The following PJA2 variants were observed in gnomAD, a reference collection of about 807,000 sequenced individuals.
The protein encoded by PJA2 is E3 ubiquitin-protein ligase Praja-2.
Under a neutral mutation model 69.3 loss-of-function variants are expected in PJA2, and 25 were observed. The observed-to-expected ratio is 0.36, with a 90% confidence interval of 0.26 to 0.50. The LOEUF (loss-of-function observed/expected upper bound fraction) is 0.50. Ranked by LOEUF, PJA2 falls within the 20% of genes least tolerant of loss-of-function variation. The pLI, the probability that PJA2 is intolerant of heterozygous loss-of-function variation, is 0.96. For synonymous variants in PJA2, 308 were observed against 277.8 expected (o/e 1.11, Z -1.08); for missense variants, 809 against 830.2 (o/e 0.97, Z 0.31).
chr5:109,396,762 GAAA>G (rs57999992), intron 1 of PJA2, among the ~76,000 whole-genome samples: 1 of 87,854 alleles, frequency 1.1e-5, no homozygotes, highest in East Asian at 4.5e-4. Context: ...ACCAAAAAAA[GAAA>G]AAAAAAAAAA....
At chr5:109,377,373 C>T (rs76793023) in intron 4 of PJA2, among the ~76,000 whole-genome samples, 2 of 152,152 alleles carry the variant, frequency 1.3e-5, no homozygotes, top group East Asian at 1.9e-4. Flanking sequence ...CTTACAAGGA[C>T]TCATGAAAAT....
chr5:109,400,891 G>A (rs1401521492), intron 1 of PJA2, among the ~76,000 whole-genome samples: 1 of 152,178 alleles, frequency 6.6e-6, no homozygotes, highest in Admixed American at 6.5e-5. Context: ...GCTGAGGCAG[G>A]AGACTGGCAT....
chr5:109,405,314 C>G (rs996481307), intron 1 of PJA2, among the ~76,000 whole-genome samples: 67 of 152,202 alleles, frequency 4.4e-4, no homozygotes, highest in Admixed American at 2.0e-4. Context: ...AACCTGTATT[C>G]ATGAATTGGA....
intron 4 of PJA2, among the ~76,000 whole-genome samples, chr5:109,373,840 GA>G (rs1365129032): frequency 6.6e-6 from 1 of 152,108 alleles, no homozygotes; most frequent in Non-Finnish European, 1.5e-5. Flanking sequence ...TATACAGAAT[GA>G]AATTATAGAC....
At chr5:109,376,087 G>A (rs147667561) in intron 4 of PJA2, among the ~76,000 whole-genome samples, 737 of 151,952 alleles carry the variant, frequency 4.9e-3, no homozygotes, top group African/African-American at 0.017. Flanking sequence ...AAAACAAAAC[G>A]AAACAAGAAA....
chr5:109,395,783 G>A (rs1582627405), intron 1 of PJA2, among the ~76,000 whole-genome samples: 1 of 152,222 alleles, frequency 6.6e-6, no homozygotes, highest in East Asian at 1.9e-4. Context: ...CAGATCACAT[G>A]AGGTCAGGAG....
intron 9 of PJA2, among the ~76,000 whole-genome samples, chr5:109,339,728 T>C (rs183179379): frequency 2.6e-5 from 4 of 152,360 alleles, no homozygotes; most frequent in South Asian, 2.1e-4. Context: ...CTTTCATTAG[T>C]AATAAGTTTA....
chr5:109,353,459 ATACC>A (rs1762313611), intron 7 of PJA2, among the ~76,000 whole-genome samples: 1 of 121,926 alleles, frequency 8.2e-6, no homozygotes, highest in Non-Finnish European at 1.8e-5. Context: ...TATATATTAG[ATACC>A]TATATCTATA....
At chr5:109,377,937 A>G (rs1186066395) in intron 4 of PJA2, among the ~76,000 whole-genome samples, 3 of 152,224 alleles carry the variant, frequency 2.0e-5, no homozygotes, top group African/African-American at 7.2e-5. Context: ...TTGAAATACC[A>G]TGAACTAGCA....
intron 6 of PJA2, among the ~76,000 whole-genome samples, chr5:109,360,261 G>C (rs769795375): frequency 1.3e-5 from 2 of 152,142 alleles, no homozygotes; most frequent in Non-Finnish European, 2.9e-5. Flanking sequence ...TGGTAGAGTT[G>C]GGATTTGTCT....
intron 3 of PJA2, among the ~76,000 whole-genome samples, chr5:109,379,821 GTTTAC>G (rs2127006993): frequency 6.6e-6 from 1 of 152,190 alleles, no homozygotes; most frequent in East Asian, 1.9e-4. Flanking sequence ...TTTGTAATAA[GTTTAC>G]TTTAGATGTG....
chr5:109,350,949 T>A (rs1373578819), intron 7 of PJA2, among the ~76,000 whole-genome samples: 1 of 152,166 alleles, frequency 6.6e-6, no homozygotes, highest in Non-Finnish European at 1.5e-5. Context: ...CTGCAGTATA[T>A]CATGCTGGTT....
In PJA2 at chr5:109,337,264, T is replaced by G. The variant is rs986090711; in HGVS notation, c.2094A>C (p.Pro698=). 7 of 1,613,544 alleles carry G rather than the reference T, an allele frequency of 4.3e-6. No individual in the cohort carries two copies. In the African/African-American group the frequency reaches 6.7e-5, roughly 15 times the overall value. ...CTTCTGCAATACTGTCATTTGAAGGTGGGGCATCAGGATCAGGCTCAGAGG... is the reference window on the plus strand; with the variant it reads ...CTTCTGCAATACTGTCATTTGAAGGGGGGGCATCAGGATCAGGCTCAGAGG... ...APSSEPDPDA[P]PSNDSIAEAP The change falls in exon 10 of 10, where the codon CCA becomes CCC. Residue 698 remains proline (P), a synonymous_variant. Coordinates refer to ENST00000361189, the MANE Select transcript of PJA2 (RefSeq NM_014819.5).
At chr5:109,375,531 A>T (rs918686125) in intron 4 of PJA2, among the ~76,000 whole-genome samples, 17 of 152,298 alleles carry the variant, frequency 1.1e-4, no homozygotes, top group Middle Eastern at 3.4e-3. Flanking sequence ...AAAAAATAAA[A>T]AAATAAAAAT....
At chr5:109,376,841 G>T (rs955530485) in intron 4 of PJA2, among the ~76,000 whole-genome samples, 1 of 151,916 alleles carries the variant, frequency 6.6e-6, no homozygotes, top group African/African-American at 2.4e-5. Context: ...ACATGGTCCA[G>T]GCCACACACA....
Position 109,378,468 on chromosome 5 carries a change from T to C in PJA2, c.1019A>G (p.Gln340Arg). The change falls in exon 4 of 10, where the codon CAA (glutamine) becomes CGA (arginine). Residue 340 changes from glutamine (Q) to arginine (R), a missense_variant. Gln to Arg is a conservative substitution (Grantham distance 43). This residue lies in a region of PJA2 where 700 missense variants were observed against 639.5 expected (regional missense o/e 1.09). Transcript: ENST00000361189. ...CTCTCTCCATCTTTGAACACTTCTTTGTTTCGCCTCATGCCTATTAAAACC... is the reference window on the plus strand; with the variant it reads ...CTCTCTCCATCTTTGAACACTTCTTCGTTTCGCCTCATGCCTATTAAAACC... ...ETGFNRHEAKQRSVQRWREAL... is the reference protein window; with the variant it reads ...ETGFNRHEAKRRSVQRWREAL... 3 of 1,614,150 alleles carry C rather than the reference T, an allele frequency of 1.9e-6. No individual in the cohort carries two copies. Among genetic ancestry groups the C allele is most frequent in the Non-Finnish European group, 2.5e-6 (3 of 1,179,978 alleles).
At chr5:109,403,551 T>C (rs1224390902) in intron 1 of PJA2, among the ~76,000 whole-genome samples, 8 of 147,716 alleles carry the variant, frequency 5.4e-5, no homozygotes, top group Admixed American at 2.0e-4. Flanking sequence ...TTCATGAACA[T>C]AGATGCAAAA....
At chr5:109,357,768 C>A (rs1359125538) in intron 6 of PJA2, among the ~76,000 whole-genome samples, 2 of 152,220 alleles carry the variant, frequency 1.3e-5, no homozygotes, top group African/African-American at 2.4e-5. Flanking sequence ...AGTATTCCTA[C>A]TTGTAACTTT....
intron 7 of PJA2, among the ~76,000 whole-genome samples, chr5:109,347,827 C>T (rs985459800): frequency 2.6e-5 from 4 of 152,202 alleles, no homozygotes; most frequent in Non-Finnish European, 4.4e-5. Flanking sequence ...TTCCTACTAG[C>T]CAATCCCTTG....
Sources: allele counts gnomAD v4.1 joint callset (sites outside exome capture counted in the v4.1 genomes callset), GRCh38; gene constraint gnomAD v4.1.1; regional missense constraint gnomAD v4.1.1; transcripts MANE v1.5; gene names NCBI Gene and HGNC (gene_info 2026-07-23, HGNC 2026-07-21).